The following MIER3 variants were observed in gnomAD, a reference collection of about 807,000 sequenced individuals.
The protein encoded by MIER3 is mesoderm induction early response protein 3.
Under a neutral mutation model 63.2 loss-of-function variants are expected in MIER3, and 9 were observed. That is an observed-to-expected ratio of 0.14 (90% CI 0.09 to 0.25). The LOEUF (loss-of-function observed/expected upper bound fraction) is 0.25. MIER3 is among the 10% of genes least tolerant of loss of function. MIER3 has a pLI of 1.00. For missense variants in MIER3, 512 were observed against 666.2 expected, an observed-to-expected ratio of 0.77 and a Z score of 2.55; for synonymous variants, 205 against 224.9, an observed-to-expected ratio of 0.91 and a Z score of 0.79.
At chr5:56,940,222 T>C (rs754834223) in intron 3 of MIER3, among the ~76,000 whole-genome samples, 2 of 152,218 alleles carry the variant, frequency 1.3e-5, no homozygotes, top group East Asian at 3.8e-4. Context: ...CAAAACAATA[T>C]ACTCACGAAC....
chr5:56,940,703 T>G (rs1750615844), intron 3 of MIER3, among the ~76,000 whole-genome samples: 1 of 152,208 alleles, frequency 6.6e-6, no homozygotes, highest in African/African-American at 2.4e-5. Flanking sequence ...CAGCATAAAT[T>G]GAATTGGATG....
At chr5:56,933,500 A>C in intron 7 of MIER3, 102 bp from the exon 8 acceptor site, 1 of 1,116,824 alleles carries the variant, frequency 9.0e-7, no homozygotes, top group Non-Finnish European at 1.2e-6. Context: ...CAGTGGGACA[A>C]GTAAATAACT....
chr5:56,924,684 T>C (rs899652741), intron 10 of MIER3, among the ~76,000 whole-genome samples: 1 of 152,166 alleles, frequency 6.6e-6, no homozygotes, highest in Non-Finnish European at 1.5e-5. Flanking sequence ...ACAATAAAAT[T>C]TGAGCCTCAC....
rs144711147 is a variant in MIER3 at position 56,945,704 on chromosome 5, T to C, written c.180+1222A>G. 7.6e-4 allele frequency among the ~76,000 whole-genome samples: 116 copies of C among 152,278 alleles called. 1 individual carries two copies. The highest frequency in any genetic ancestry group is 2.6e-3 in the African/African-American group (110 of 41,560). On this transcript the variant is annotated intron_variant, in intron 3 of 12. Transcript: ENST00000381199. ...GTAAACACCAAAATATGGGCCACATTACAGTCAACACACAACTGAGTTTAT... is the reference window on the plus strand; with the variant it reads ...GTAAACACCAAAATATGGGCCACATCACAGTCAACACACAACTGAGTTTAT...
At chr5:56,938,345 G>A (rs550859318) in intron 4 of MIER3, 7 of 471,026 alleles carry the variant, frequency 1.5e-5, no homozygotes, top group Non-Finnish European at 3.1e-5. Context: ...AGATCTGAAA[G>A]GCAAGGAAAG....
intron 3 of MIER3, 105 bp from the exon 4 acceptor site, chr5:56,939,122 A>C (rs1375950239): frequency 8.1e-7 from 1 of 1,241,942 alleles, no homozygotes; most frequent in Non-Finnish European, 1.1e-6. Context: ...TCAAAACAGC[A>C]GAACAAATCA....
Position 56,919,612 on chromosome 5 carries a change from C to T in MIER3, c.*3516G>A, listed in dbSNP as rs1295066254. 6.6e-6 allele frequency: 1 copy of T among 152,472 alleles called. No individual in the cohort carries two copies. The highest frequency in any genetic ancestry group is 1.5e-5 in the Non-Finnish European group (1 of 68,016). 9.4% of individuals were successfully genotyped at this position (152,472 alleles called of 1,614,324 possible). A position where few individuals can be genotyped will look rare whatever the true frequency, so the allele number is the denominator to read the frequency against. The stretch of plus-strand genomic sequence containing the variant: ...ACACAAACCAAGAAAAAAAGATTCC[C>T]AGATTTTTATTTCTGGAACTGTACA... On this transcript the variant is annotated 3_prime_UTR_variant, in exon 13 of 13. Coordinates refer to ENST00000381199, the MANE Select transcript of MIER3 (RefSeq NM_001297599.2).
chr5:56,923,484 G>C lies in MIER3; in HGVS notation c.1297C>G (p.His433Asp), dbSNP rs758401421. The C allele has an allele frequency of 6.2e-7, 1 of 1,614,176 alleles. No individual in the cohort carries two copies. Among genetic ancestry groups the C allele is most frequent in the East Asian group, 2.2e-5 (1 of 44,880 alleles). ...LGNTPRGQVN[H>D]VPVVTEELLT... ...AACTCTTCTGTTACAACAGGCACAT[G>C]ATTAACTTGTCCACGGGGTGTGTTG... The change falls in exon 13 of 13, where the codon CAT becomes GAT. Residue 433 changes from histidine to aspartate, a missense_variant. Transcript: ENST00000381199.
chr5:56,945,092 T>A (rs778190904), intron 3 of MIER3, among the ~76,000 whole-genome samples: 2 of 152,258 alleles, frequency 1.3e-5, no homozygotes, highest in Non-Finnish European at 2.9e-5. Context: ...TGTGCTTTTC[T>A]GAATTTTTGA....
chr5:56,922,349 T>C lies in MIER3; in HGVS notation c.*779A>G, dbSNP rs1749710212. The C allele has an allele frequency of 6.6e-6, 1 of 152,468 alleles. No homozygotes were observed. The highest frequency in any genetic ancestry group is 1.5e-5 in the Non-Finnish European group (1 of 68,042). 9.4% of individuals were successfully genotyped at this position (152,468 alleles called of 1,614,324 possible). On this transcript the variant is annotated 3_prime_UTR_variant, in exon 13 of 13. Coordinates refer to ENST00000381199, the MANE Select transcript of MIER3 (RefSeq NM_001297599.2). ...GTACCACATCTTCAAATGCCAAAAC[T>C]GTAGCCAATAAATGAAGTTACACAG...
At position 56,923,360 on chromosome 5, in the gene MIER3, T is replaced by G. The variant is rs544180927; in HGVS notation, c.1421A>C (p.Glu474Ala). 2 of 1,614,202 alleles carry G rather than the reference T, an allele frequency of 1.2e-6. No homozygotes were observed. The highest frequency in any genetic ancestry group is 2.2e-5 in the South Asian group (2 of 91,088). Residue 474 changes from glutamate (E) to alanine (A), a missense_variant, in exon 13 of 13, where the codon GAG becomes GCG. Around this residue, in one of 5 missense-constraint regions of MIER3, gnomAD observed 218 missense variants for 251.2 expected, o/e 0.87. Coordinates refer to ENST00000381199, the MANE Select transcript of MIER3 (RefSeq NM_001297599.2). The part of the protein sequence containing the change: ...ELNPMNMCSE[E>A]SERPAKRLKM... ...CAATCTTTTTGCTGGTCTCTCTGAC[T>G]CTTCACTGCACATGTTCATAGGGTT...
At chr5:56,952,073 C>T in intron 1 of MIER3, 21 bp downstream of exon 1, 2 of 1,299,960 alleles carry the variant, frequency 1.5e-6, no homozygotes, top group East Asian at 3.8e-5. Flanking sequence ...CCGGCTGCTC[C>T]TGCCCGGTTT....
In MIER3 at chr5:56,927,685, T is replaced by C. The variant is rs570480128; in HGVS notation, c.924+1082A>G. Among the ~76,000 whole-genome samples the C allele has an allele frequency of 4.6e-5, 7 of 152,258 alleles. No homozygotes were observed. In the South Asian group the frequency reaches 1.5e-3, roughly 32 times the overall value. ...ATCCTACATTGGAGTAGTGTATCTG[T>C]TAAAAAAATCAATGTACCTACACTG... On this transcript the variant is annotated intron_variant, in intron 10 of 12. Transcript: ENST00000381199.
chr5:56,941,877 T>G (rs1750658043), intron 3 of MIER3, among the ~76,000 whole-genome samples: 1 of 152,014 alleles, frequency 6.6e-6, no homozygotes, highest in Non-Finnish European at 1.5e-5. Context: ...AAGAGACATA[T>G]TCTGAGGTGG....
At chr5:56,952,126 G>C, upstream of MIER3, 1 of 1,252,938 alleles carries the variant, frequency 8.0e-7, no homozygotes, top group Non-Finnish European at 1.0e-6. Context: ...GGGCGAACGA[G>C]CAGCGCCGAG....
chr5:56,947,260 A>G (rs1750857174), intron 2 of MIER3, 189 bp from the exon 3 acceptor site: 1 of 522,826 alleles, frequency 1.9e-6, no homozygotes, highest in Admixed American at 4.3e-5. Context: ...AATCAGCAAA[A>G]TAACAAGGCA....
chr5:56,952,178 G>T, upstream of MIER3: 2 of 1,120,384 alleles, frequency 1.8e-6, no homozygotes, highest in Non-Finnish European at 2.2e-6. Flanking sequence ...CGCAGCCGCC[G>T]CCGCCACCGC....
chr5:56,943,905 GAC>G (rs759060278), intron 3 of MIER3, among the ~76,000 whole-genome samples: 24 of 152,096 alleles, frequency 1.6e-4, no homozygotes, highest in Non-Finnish European at 7.3e-5. Flanking sequence ...CATTTTAAGG[GAC>G]ACAGTAGAGT....
chr5:56,934,023 C>A (rs962825556), intron 7 of MIER3, among the ~76,000 whole-genome samples: 1 of 151,972 alleles, frequency 6.6e-6, no homozygotes, highest in African/African-American at 2.4e-5. Flanking sequence ...AACAAAATGT[C>A]ATTAAAACAA....
Sources: gnomAD v4.1 joint callset for allele counts (sites outside exome capture counted in the v4.1 genomes callset) on GRCh38, gnomAD v4.1.1 for gene constraint, gnomAD v4.1.1 regional missense constraint, MANE v1.5 for transcripts, NCBI Gene and HGNC (gene_info 2026-07-23, HGNC 2026-07-21) for gene names.